The following TRAF7 variants were observed in gnomAD, a reference collection of about 807,000 sequenced individuals.
TRAF7 encodes the protein TNF receptor associated factor 7.
A neutral mutation model predicts 89.3 loss-of-function variants in TRAF7; 45 were observed. That is an observed-to-expected ratio of 0.50 (90% CI 0.40 to 0.65). The LOEUF (loss-of-function observed/expected upper bound fraction) is 0.65. Ranked by LOEUF, TRAF7 falls within the 30% of genes least tolerant of loss-of-function variation. TRAF7 has a pLI of 0.00. For synonymous variants in TRAF7, 406 were observed against 369.2 expected (o/e 1.10, Z -1.14); for missense variants, 677 against 918.1 (o/e 0.74, Z 3.39).
In TRAF7 at chr16:2,175,426, G is replaced by A. The variant is rs2141294116; in HGVS notation, c.1503+9G>A. 1 of 1,613,310 alleles carries A rather than the reference G, an allele frequency of 6.2e-7. No homozygotes were observed. Among genetic ancestry groups the A allele is most frequent in the Non-Finnish European group, 8.5e-7 (1 of 1,179,798 alleles). On this transcript the variant is annotated intron_variant, in intron 16 of 20. Coordinates refer to ENST00000326181, the MANE Select transcript of TRAF7 (RefSeq NM_032271.3). Reference sequence around the variant, plus strand: ...CCCTGAAGGCCATCAAGGTACGGGTGGAGGCTGTGCCTACGTGTGTGTCAC... The same window carrying A: ...CCCTGAAGGCCATCAAGGTACGGGTAGAGGCTGTGCCTACGTGTGTGTCAC...
In TRAF7 at chr16:2,168,136, G is replaced by C. The variant is rs1425370690; in HGVS notation, c.199G>C (p.Ala67Pro). 1.2e-6 allele frequency: 2 copies of C among 1,612,328 alleles called. No individual in the cohort carries two copies. The highest frequency in any genetic ancestry group is 1.7e-6 in the Non-Finnish European group (2 of 1,179,850). ...GACACCCTCCTCCTCCAGCACCCTT[G>C]CCTACTCCCCGCGGGACGAGGAGGA... ...CRTPSSSSTL[A>P]YSPRDEEDSM... The change falls in exon 4 of 21, where the codon GCC (alanine) becomes CCC (proline). Residue 67 changes from alanine to proline, a missense_variant. Ala to Pro is a conservative substitution (Grantham distance 27, BLOSUM62 -1). Coordinates refer to ENST00000326181, the MANE Select transcript of TRAF7 (RefSeq NM_032271.3). The surrounding 1 kb of genome is among the most constrained non-coding windows in gnomAD (Gnocchi z 4.1).
chr16:2,175,689 T>A, intron 17 of TRAF7, 67 bp downstream of exon 17: 1 of 1,592,878 alleles, frequency 6.3e-7, no homozygotes, highest in Non-Finnish European at 8.6e-7. Context: ...GGCCAGCACC[T>A]GGGGCTCCAT....
intron 2 of TRAF7, among the ~76,000 whole-genome samples, chr16:2,164,720 C>T (rs2093075739): frequency 1.5e-5 from 2 of 137,528 alleles, no homozygotes; most frequent in East Asian, 4.5e-4. Flanking sequence ...GTGGCGCGGC[C>T]TGGTCGCATG....
rs369072457 is a variant in TRAF7, at chr16:2,171,238, C to T, written c.349-26C>T. On this transcript the variant is annotated intron_variant, in intron 5 of 20. Transcript: ENST00000326181. ...GGGGCTGAGGGTGGCCTCCCGCCATCGCCTGCCTTTCCCGCTTGGTTCCAG... is the reference window on the plus strand; with the variant it reads ...GGGGCTGAGGGTGGCCTCCCGCCATTGCCTGCCTTTCCCGCTTGGTTCCAG... 8.3e-5 allele frequency: 127 copies of T among 1,532,192 alleles called. No homozygotes were observed. In the East Asian group the frequency reaches 2.0e-3, roughly 24 times the overall value. The allele number at this position is 1,532,192 out of a possible 1,614,324, so 94.9% of individuals were successfully genotyped here. A position where few individuals can be genotyped will look rare whatever the true frequency, so the allele number is the denominator to read the frequency against.
In TRAF7 at chr16:2,168,026, C is replaced by T. The variant is rs376059126; in HGVS notation, c.140-51C>T. 3.0e-4 allele frequency: 470 copies of T among 1,564,686 alleles called. No individual in the cohort carries two copies. Among genetic ancestry groups the T allele is most frequent in the Non-Finnish European group, 3.8e-4 (433 of 1,144,770 alleles). ...TATCCAGCATGGGCCCCACCTCCCC[C>T]ACATCTGCTGAGGGAGCCCCCACTG... is the stretch of plus-strand genomic sequence containing the variant. On this transcript the variant is annotated intron_variant, in intron 3 of 20. Transcript: ENST00000326181. This position sits in a 1 kb window ranked among gnomAD's most constrained non-coding sequence, Gnocchi z 4.1.
intron 17 of TRAF7, 31 bp downstream of exon 17, chr16:2,175,653 G>T (rs1316335365): frequency 6.2e-7 from 1 of 1,604,930 alleles, no homozygotes; most frequent in Admixed American, 1.7e-5. Context: ...TGGCCACAGG[G>T]CCTTGCCTCC....
rs767901562 is a variant in TRAF7, at chr16:2,174,033, T to A, written c.1248T>A (p.Ser416=). 6.2e-7 allele frequency: 1 copy of A among 1,613,396 alleles called. No individual in the cohort carries two copies. The highest frequency in any genetic ancestry group is 8.5e-7 in the Non-Finnish European group (1 of 1,180,014). The change falls in exon 13 of 21, where the codon TCT becomes TCA. Residue 416 remains serine (S), a synonymous_variant. Transcript: ENST00000326181. ...GTGACCTGCTCTTCAGTGGCTCCTCTGACAAGACCATCAAGGTGGGCAGGG... is the reference window on the plus strand; with the variant it reads ...GTGACCTGCTCTTCAGTGGCTCCTCAGACAAGACCATCAAGGTGGGCAGGG... ...SMGDLLFSGS[S]DKTIKVWDTC...
rs1332255984 is a variant in TRAF7 at position 2,177,155 on chromosome 16, G to A, written c.*581G>A. The A allele has an allele frequency of 8.0e-6, 2 of 249,292 alleles. No individual in the cohort carries two copies. Among genetic ancestry groups the A allele is most frequent in the Non-Finnish European group, 1.6e-5 (2 of 126,132 alleles). The allele number at this position is 249,292 out of a possible 1,614,324, so 15.4% of individuals were successfully genotyped here. The stretch of plus-strand genomic sequence containing the variant: ...CAGTCCCATCTCCCCCAACACATGT[G>A]CCCCCAAAAAGTGAGCCAGGCACCT... On this transcript the variant is annotated 3_prime_UTR_variant, in exon 21 of 21. Transcript: ENST00000326181.
intron 7 of TRAF7, 109 bp downstream of exon 7, chr16:2,171,714 C>A: frequency 1.3e-6 from 2 of 1,549,740 alleles, no homozygotes; most frequent in South Asian, 1.1e-5. Context: ...CCTGTTTGGC[C>A]TCTGCTGGGG....
At position 2,158,816 on chromosome 16, in the gene TRAF7, G is replaced by A. The variant is rs1454477942; in HGVS notation, c.-39+2958G>A. Among the ~76,000 whole-genome samples, 2 of 149,460 alleles carry A rather than the reference G, an allele frequency of 1.3e-5. No homozygotes were observed. The highest frequency in any genetic ancestry group is 3.0e-5 in the Non-Finnish European group (2 of 67,606). On this transcript the variant is annotated intron_variant, in intron 1 of 20. Transcript: ENST00000326181. The surrounding 1 kb of genome is among the most constrained non-coding windows in gnomAD (Gnocchi z 4.7). ...CCCTTGGCTCTTGGGCAAAGCTCAC[G>A]ACCTGTTTCTGAGAGTCTGAGGCCC...
chr16:2,176,230 G>C lies in TRAF7; in HGVS notation c.1879-35G>C, dbSNP rs780973159. On this transcript the variant is annotated intron_variant, in intron 19 of 20. Transcript: ENST00000326181. The stretch of plus-strand genomic sequence containing the variant: ...GGAGGCTCAGAGGGCTGGCAGCTGA[G>C]CTCCGGCGGGCCCTCACGTCCCATG... 11 of 1,600,284 alleles carry C rather than the reference G, an allele frequency of 6.9e-6. No individual in the cohort carries two copies. The East Asian group carries it at 2.2e-4, about 32-fold the overall frequency.
intron 1 of TRAF7, among the ~76,000 whole-genome samples, chr16:2,156,323 A>G (rs899537339): frequency 6.6e-6 from 1 of 152,170 alleles, no homozygotes; most frequent in Non-Finnish European, 1.5e-5. Flanking sequence ...CCTGGCCGCT[A>G]GATACCAGTA....
chr16:2,160,065 G>A (rs576284573), intron 1 of TRAF7, among the ~76,000 whole-genome samples: 1 of 152,334 alleles, frequency 6.6e-6, no homozygotes, highest in African/African-American at 2.4e-5. Context: ...TTGCCGAAGA[G>A]GGGCTGGGGT....
At chr16:2,165,625 G>T (rs1407526033) in intron 2 of TRAF7, among the ~76,000 whole-genome samples, 4 of 143,546 alleles carry the variant, frequency 2.8e-5, no homozygotes, top group Admixed American at 6.8e-5. Flanking sequence ...GCGCAGCCTG[G>T]TCGCATGGTT....
At chr16:2,165,554 T>A (rs424135) in intron 2 of TRAF7, among the ~76,000 whole-genome samples, 14 of 83,292 alleles carry the variant, frequency 1.7e-4, no homozygotes, top group South Asian at 4.0e-4. Flanking sequence ...TCGCATGGTT[T>A]AGCGTGTTAG....
At chr16:2,166,064 C>A in intron 3 of TRAF7, 128 bp downstream of exon 3, 1 of 1,154,924 alleles carries the variant, frequency 8.7e-7, no homozygotes, top group Non-Finnish European at 1.2e-6. Flanking sequence ...CGCGGGCAGC[C>A]TCACACCGCA....
rs2093132037 is a variant in TRAF7 at position 2,175,531 on chromosome 16, TGAA to T, written c.1540_1542del (p.Lys514del). On this transcript the variant is annotated inframe_deletion, in exon 17 of 21. Transcript: ENST00000326181. The stretch of plus-strand genomic sequence containing the variant: ...GACATCGTGGGCACTGAGCTGAAGT[TGAA>T]GAAGGAGCTCACAGGCCTCAACCAC... The T allele has an allele frequency of 1.2e-6, 2 of 1,613,246 alleles. No individual in the cohort carries two copies. Among genetic ancestry groups the T allele is most frequent in the Non-Finnish European group, 1.7e-6 (2 of 1,179,976 alleles).
chr16:2,164,033 C>T (rs772627791), intron 2 of TRAF7, 32 bp downstream of exon 2: 1 of 1,564,988 alleles, frequency 6.4e-7, no homozygotes, highest in Non-Finnish European at 8.7e-7. Flanking sequence ...AGCCCAACAT[C>T]CCCAGGACCC....
chr16:2,175,475 C>G (rs1437610425), intron 16 of TRAF7, 25 bp from the exon 17 acceptor site: 1 of 1,612,832 alleles, frequency 6.2e-7, no homozygotes, highest in Non-Finnish European at 8.5e-7. Context: ...GCCCGCCCAG[C>G]CCACAGTTGC....
Sources: allele counts gnomAD v4.1 joint callset (sites outside exome capture counted in the v4.1 genomes callset), GRCh38; gene constraint gnomAD v4.1.1; non-coding constraint Gnocchi (gnomAD v3.1); transcripts MANE v1.5; gene names NCBI Gene and HGNC (gene_info 2026-07-23, HGNC 2026-07-21).